The following CRISPLD2 variants were observed in gnomAD, a reference collection of about 807,000 sequenced individuals.
CRISPLD2 encodes cysteine rich secretory protein LCCL domain containing 2, also known as cysteine-rich secretory protein LCCL domain-containing 2.
CRISPLD2 carries 47 observed loss-of-function variants against 71.1 expected under a neutral mutation model. That is an observed-to-expected ratio of 0.66 (90% CI 0.52 to 0.84). CRISPLD2 has a LOEUF of 0.84. Among genes scored for constraint, CRISPLD2 ranks in the 40% least tolerant of loss-of-function variants. CRISPLD2 has a pLI of 0.00. For missense variants in CRISPLD2, 830 were observed against 651.1 expected, an observed-to-expected ratio of 1.27 and a Z score of -2.99; for synonymous variants, 317 against 250.1, an observed-to-expected ratio of 1.27 and a Z score of -2.52.
intron 5 of CRISPLD2, among the ~76,000 whole-genome samples, chr16:84,851,939 C>A (rs1416101026): frequency 6.6e-6 from 1 of 152,186 alleles, no homozygotes; most frequent in African/African-American, 2.4e-5. Context: ...GGGGCTGCAA[C>A]AACAGAGGCC....
At chr16:84,879,519 C>A (rs982589316) in intron 12 of CRISPLD2, among the ~76,000 whole-genome samples, 1 of 152,164 alleles carries the variant, frequency 6.6e-6, no homozygotes, top group Non-Finnish European at 1.5e-5. Context: ...TGCACCACCA[C>A]GCCTGGCTAA....
intron 1 of CRISPLD2, among the ~76,000 whole-genome samples, chr16:84,834,533 G>T (rs1047415228): frequency 5.9e-5 from 9 of 152,196 alleles, no homozygotes; most frequent in Admixed American, 2.6e-4. Context: ...CAGGACCCTG[G>T]CCTGGCCTCC....
At chr16:84,861,245 AAT>A (rs1369408414) in intron 6 of CRISPLD2, among the ~76,000 whole-genome samples, 6 of 152,144 alleles carry the variant, frequency 3.9e-5, no homozygotes, top group Non-Finnish European at 7.3e-5. Flanking sequence ...CTCCATCCTT[AAT>A]ATTGTGTTCC....
At chr16:84,857,152 C>G (rs1166605156) in intron 6 of CRISPLD2, among the ~76,000 whole-genome samples, 1 of 152,192 alleles carries the variant, frequency 6.6e-6, no homozygotes, top group African/African-American at 2.4e-5. Flanking sequence ...GTGGCCATAG[C>G]CAGGTCAGCC....
Position 84,857,238 on chromosome 16 carries a change from G to T in CRISPLD2, c.709+2409G>T, listed in dbSNP as rs556625228. Among the ~76,000 whole-genome samples the T allele has an allele frequency of 1.1e-3, 169 of 152,202 alleles. 1 individual carries two copies. Among genetic ancestry groups the T allele is most frequent in the Non-Finnish European group, 1.3e-3 (89 of 68,042 alleles). Reference sequence around the variant, plus strand: ...GCCAACACGGCTACTTTGTTCATGGGCCCATTGGGCGATGACAGAGGTGAC... The same window carrying T: ...GCCAACACGGCTACTTTGTTCATGGTCCCATTGGGCGATGACAGAGGTGAC... On this transcript the variant is annotated intron_variant, in intron 6 of 14. Coordinates refer to ENST00000262424, the MANE Select transcript of CRISPLD2 (RefSeq NM_031476.4).
chr16:84,835,810 G>A lies in CRISPLD2; in HGVS notation c.-74-2612G>A, dbSNP rs543357208. Among the ~76,000 whole-genome samples the A allele has an allele frequency of 1.2e-3, 180 of 152,328 alleles. 2 individuals carry two copies. The highest frequency in any genetic ancestry group is 2.1e-3 in the Non-Finnish European group (142 of 68,034). On this transcript the variant is annotated intron_variant, in intron 1 of 14. Transcript: ENST00000262424. ...TCCCTTTAACATTCAGAACAAAGGC[G>A]GCCAGTCAGATCTCCTGGGATAGCT...
intron 9 of CRISPLD2, 112 bp from the exon 10 acceptor site, chr16:84,872,880 G>C: frequency 7.4e-7 from 1 of 1,350,894 alleles, no homozygotes; most frequent in Non-Finnish European, 1.0e-6. Flanking sequence ...GTGAGCTTTG[G>C]CCTGTCCTTC....
chr16:84,847,108 C>A (rs183592567), intron 3 of CRISPLD2, among the ~76,000 whole-genome samples: 1 of 152,336 alleles, frequency 6.6e-6, no homozygotes, highest in East Asian at 1.9e-4. Flanking sequence ...ATCCATTTTG[C>A]CCTAATTATT....
rs148181046 is a variant in CRISPLD2 at position 84,909,348 on chromosome 16, G to A, written c.*2706G>A. On this transcript the variant is annotated 3_prime_UTR_variant, in exon 15 of 15. Coordinates refer to ENST00000262424, the MANE Select transcript of CRISPLD2 (RefSeq NM_031476.4). ...AAAATGATGTATTTTGCTACTTCCTGTGTACAAAGTTTTATTGTAAATGTT... is the reference window on the plus strand; with the variant it reads ...AAAATGATGTATTTTGCTACTTCCTATGTACAAAGTTTTATTGTAAATGTT... 7.2e-5 allele frequency: 11 copies of A among 152,742 alleles called. No individual in the cohort carries two copies. The highest frequency in any genetic ancestry group is 2.6e-4 in the African/African-American group (11 of 41,572). The allele number at this position is 152,742 out of a possible 1,614,324, so 9.5% of individuals were successfully genotyped here.
chr16:84,879,696 T>C (rs113209963), intron 12 of CRISPLD2, among the ~76,000 whole-genome samples: 5 of 151,726 alleles, frequency 3.3e-5, no homozygotes, highest in Non-Finnish European at 5.9e-5. Context: ...CACACACCCT[T>C]TCTCTCTACC....
At chr16:84,827,216 C>T (rs1399894951) in intron 1 of CRISPLD2, among the ~76,000 whole-genome samples, 1 of 147,592 alleles carries the variant, frequency 6.8e-6, no homozygotes, top group East Asian at 2.1e-4. Flanking sequence ...TTAAATGAAA[C>T]CATGCGTGTT....
At chr16:84,849,702 T>C (rs1230577608) in intron 4 of CRISPLD2, among the ~76,000 whole-genome samples, 185 bp downstream of exon 4, 1 of 144,090 alleles carries the variant, frequency 6.9e-6, no homozygotes, top group African/African-American at 2.6e-5. Flanking sequence ...GGTCAGAAAC[T>C]GAGTGAGCAC....
At chr16:84,852,125 G>C (rs1346018343) in intron 5 of CRISPLD2, among the ~76,000 whole-genome samples, 1 of 152,240 alleles carries the variant, frequency 6.6e-6, no homozygotes, top group African/African-American at 2.4e-5. Context: ...ATGGTGGTGA[G>C]AGATGAGGAC....
intron 13 of CRISPLD2, among the ~76,000 whole-genome samples, chr16:84,883,111 A>C (rs2071582639): frequency 6.6e-6 from 1 of 152,182 alleles, no homozygotes; most frequent in South Asian, 2.1e-4. Context: ...CTCAGTACTT[A>C]AGTAGCTCTT....
intron 1 of CRISPLD2, among the ~76,000 whole-genome samples, chr16:84,837,681 T>C (rs1361726125): frequency 6.6e-6 from 1 of 152,154 alleles, no homozygotes; most frequent in Non-Finnish European, 1.5e-5. Context: ...CCTCCCAAAG[T>C]GCTGGGATTA....
In CRISPLD2 at chr16:84,832,562, G is replaced by T. The variant is rs764875443; in HGVS notation, c.-74-5860G>T. ...CGGTGAACGAGACCCGCAGGTCTGC[G>T]GTGTGATTACACTGGAGGTTTCTAG... On this transcript the variant is annotated intron_variant, in intron 1 of 14. Transcript: ENST00000262424. 7.2e-5 allele frequency among the ~76,000 whole-genome samples: 11 copies of T among 152,272 alleles called. 1 individual carries two copies. The highest frequency in any genetic ancestry group is 1.5e-4 in the Non-Finnish European group (10 of 68,046).
chr16:84,823,240 T>A (rs571512938), intron 1 of CRISPLD2, among the ~76,000 whole-genome samples: 4 of 152,206 alleles, frequency 2.6e-5, no homozygotes, highest in African/African-American at 9.6e-5. Flanking sequence ...ATAGACCACG[T>A]TTTGTTTATT....
chr16:84,886,449 C>T (rs2071614091), intron 13 of CRISPLD2, among the ~76,000 whole-genome samples: 1 of 152,108 alleles, frequency 6.6e-6, no homozygotes, highest in Non-Finnish European at 1.5e-5. Flanking sequence ...TGGCCTCTCT[C>T]GAGGGGGCAC....
chr16:84,836,850 G>A lies in CRISPLD2; in HGVS notation c.-74-1572G>A, dbSNP rs557037726. Reference sequence around the variant, plus strand: ...GGACTCATGTGAAGAACTGAGCCCCGTGGAGTTCCGACGGGTCAGCCTGAG... The same window carrying A: ...GGACTCATGTGAAGAACTGAGCCCCATGGAGTTCCGACGGGTCAGCCTGAG... On this transcript the variant is annotated intron_variant, in intron 1 of 14. Coordinates refer to ENST00000262424, the MANE Select transcript of CRISPLD2 (RefSeq NM_031476.4). 1.2e-3 allele frequency among the ~76,000 whole-genome samples: 182 copies of A among 152,276 alleles called. No individual in the cohort carries two copies. The Middle Eastern group carries it at 0.031, about 26-fold the overall frequency.
Sources: allele counts gnomAD v4.1 joint callset (sites outside exome capture counted in the v4.1 genomes callset), GRCh38; gene constraint gnomAD v4.1.1; transcripts MANE v1.5; gene names NCBI Gene and HGNC (gene_info 2026-07-23, HGNC 2026-07-21).